Variants in ITGAX observed in about 807,000 individuals in gnomAD.
The protein encoded by ITGAX is integrin alpha-X.
In ITGAX, 99 loss-of-function variants were observed where a neutral mutation model predicts 140.2. That is an observed-to-expected ratio of 0.71 (90% confidence interval 0.60 to 0.83). The LOEUF (loss-of-function observed/expected upper bound fraction) is 0.83. ITGAX is among the 40% of genes least tolerant of loss of function. ITGAX has a pLI of 0.00. For synonymous variants in ITGAX, 631 were observed against 600.4 expected (o/e 1.05, Z -0.75); for missense variants, 1,444 against 1,482.0 (o/e 0.97, Z 0.42).
chr16:31,355,301 G>A lies in ITGAX; in HGVS notation c.37+10G>A. The A allele has an allele frequency of 6.2e-7, 1 of 1,613,736 alleles. No individual in the cohort carries two copies. The highest frequency in any genetic ancestry group is 8.5e-7 in the Non-Finnish European group (1 of 1,179,972). Reference sequence around the variant, plus strand: ...CTCCTCCTGTTCACAGGTGAGCCTGGACCCCAATGAAGTAGGGCTGGGGAC... The same window carrying A: ...CTCCTCCTGTTCACAGGTGAGCCTGAACCCCAATGAAGTAGGGCTGGGGAC... On this transcript the variant is annotated intron_variant, in intron 1 of 29. Transcript: ENST00000268296.
At chr16:31,366,200 G>A (rs145987596) in intron 14 of ITGAX, among the ~76,000 whole-genome samples, 92 of 152,292 alleles carry the variant, frequency 6.0e-4, no homozygotes, top group African/African-American at 1.9e-3. Flanking sequence ...TTGTGTCTCC[G>A]TGTTACTTTG....
chr16:31,361,667 AG>A, intron 9 of ITGAX, 168 bp from the exon 10 acceptor site: 7 of 804,956 alleles, frequency 8.7e-6, no homozygotes, highest in Admixed American at 2.0e-5. Flanking sequence ...CATGGAGCAG[AG>A]GGGGGCCCCG....
chr16:31,371,182 T>G lies in ITGAX; in HGVS notation c.1809T>G (p.Ala603=), dbSNP rs369559267. The part of the protein sequence containing the change: ...DLTQDGLVDL[A]VGARGQVLLL... ...CCCAGGATGGACTGGTGGACCTGGC[T>G]GTGGGGGCCCGGGGCCAGGTGCTCC... The change falls in exon 15 of 30, where the codon GCT becomes GCG. Residue 603 remains alanine, a synonymous_variant. Coordinates refer to ENST00000268296, the MANE Select transcript of ITGAX (RefSeq NM_000887.5). 1 of 1,612,080 alleles carries G rather than the reference T, an allele frequency of 6.2e-7. No individual in the cohort carries two copies. The highest frequency in any genetic ancestry group is 1.3e-5 in the African/African-American group (1 of 75,016).
intron 14 of ITGAX, among the ~76,000 whole-genome samples, chr16:31,369,433 TATC>T (rs1296876324): frequency 6.6e-6 from 1 of 152,244 alleles, no homozygotes; most frequent in Non-Finnish European, 1.5e-5. Flanking sequence ...GGCCAAATGT[TATC>T]AACCAGCATC....
chr16:31,355,416 G>A (rs755296738), intron 1 of ITGAX, 125 bp downstream of exon 1: 2 of 991,926 alleles, frequency 2.0e-6, no homozygotes, highest in Non-Finnish European at 3.1e-6. Flanking sequence ...CAAGCCTGAG[G>A]GGGAGGCAGG....
In ITGAX at chr16:31,373,352, C is replaced by T; in HGVS notation, c.2470C>T (p.Pro824Ser). The T allele has an allele frequency of 1.2e-6, 2 of 1,613,490 alleles. No individual in the cohort carries two copies. The highest frequency in any genetic ancestry group is 8.5e-7 in the Non-Finnish European group (1 of 1,179,958). ...CGGAACCACCATCACCTTCTCCCAC[C>T]CCGCAGGACTGTCCTACCGCTACGT... is the stretch of plus-strand genomic sequence containing the variant. ...SYGTTITFSH[P>S]AGLSYRYVAE... is the part of the protein sequence containing the mutation. The change falls in exon 20 of 30, where the codon CCC (proline) becomes TCC (serine). Residue 824 changes from proline to serine, a missense_variant. Transcript: ENST00000268296.
intron 6 of ITGAX, 22 bp from the exon 7 acceptor site, chr16:31,359,898 C>T: frequency 6.2e-7 from 1 of 1,614,128 alleles, no homozygotes; most frequent in African/African-American, 1.3e-5. Context: ...GCCTCAGCCC[C>T]AGCCCTGTGT....
chr16:31,364,870 T>C (rs1374667214), intron 14 of ITGAX, among the ~76,000 whole-genome samples: 1 of 121,836 alleles, frequency 8.2e-6, no homozygotes, highest in African/African-American at 2.7e-5. Flanking sequence ...AAAAAAAAAA[T>C]TAGCTGGGCA....
At chr16:31,360,572 G>A (rs1431307131) in intron 8 of ITGAX, 109 bp downstream of exon 8, 2 of 1,086,386 alleles carry the variant, frequency 1.8e-6, no homozygotes, top group Admixed American at 2.5e-5. Flanking sequence ...CTATCACCCA[G>A]GAAGTGGTGC....
At chr16:31,362,580 G>T (rs1449640717) in intron 11 of ITGAX, 31 bp from the exon 12 acceptor site, 2 of 1,598,214 alleles carry the variant, frequency 1.3e-6, no homozygotes, top group Non-Finnish European at 8.5e-7. Context: ...GGGGGAATGG[G>T]GGCCTTTGTG....
chr16:31,380,232 C>T (rs911950716), intron 26 of ITGAX, 34 bp from the exon 27 acceptor site: 76 of 1,603,270 alleles, frequency 4.7e-5, no homozygotes, highest in Non-Finnish European at 6.3e-5. Flanking sequence ...TCACACTCAT[C>T]TTTCTCAGCC....
At chr16:31,364,426 C>CAAAAAAAAAAA (rs56776715) in intron 14 of ITGAX, among the ~76,000 whole-genome samples, 2 of 42,456 alleles carry the variant, frequency 4.7e-5, no homozygotes, top group Non-Finnish European at 1.1e-4. Context: ...AATCCCGTGT[C>CAAAAAAAAAAA]AAAAAAAAAA....
intron 14 of ITGAX, among the ~76,000 whole-genome samples, chr16:31,369,293 C>A (rs1043299486): frequency 2.1e-5 from 3 of 142,470 alleles, no homozygotes; most frequent in Admixed American, 7.0e-5. Context: ...GGGCTGACCC[C>A]CCCCCCCACC....
intron 14 of ITGAX, among the ~76,000 whole-genome samples, chr16:31,369,240 ACC>A: frequency 9.3e-6 from 1 of 107,930 alleles, no homozygotes; most frequent in South Asian, 3.3e-4. Flanking sequence ...CGGGGGGCTG[ACC>A]CCCCCACCTC....
At chr16:31,361,648 G>A in intron 9 of ITGAX, 188 bp from the exon 10 acceptor site, 1 of 757,580 alleles carries the variant, frequency 1.3e-6, no homozygotes, top group Non-Finnish European at 2.3e-6. Flanking sequence ...TGCCATCGCT[G>A]TCCACATCCA....
intron 14 of ITGAX, among the ~76,000 whole-genome samples, chr16:31,368,918 T>G (rs904335115): frequency 2.6e-5 from 4 of 152,090 alleles, no homozygotes; most frequent in African/African-American, 7.2e-5. Context: ...GAGCACAGGG[T>G]TGGGGGTAAG....
At chr16:31,361,545 C>A (rs751181968) in intron 9 of ITGAX, 46 of 701,744 alleles carry the variant, frequency 6.6e-5, no homozygotes, top group African/African-American at 5.9e-4. Context: ...CCACCAGCCA[C>A]TCACTCCCCT....
In ITGAX at chr16:31,361,183, C is replaced by A; in HGVS notation, c.982C>A (p.Gln328Lys). The change falls in exon 9 of 30, where the codon CAA becomes AAA. Residue 328 changes from glutamine to lysine, a missense_variant. Coordinates refer to ENST00000268296, the MANE Select transcript of ITGAX (RefSeq NM_000887.5). ...DFDALKDIQNQLKEKIFAIEG... is the reference protein window; with the variant it reads ...DFDALKDIQNKLKEKIFAIEG... The stretch of plus-strand genomic sequence containing the variant: ...TGATGCTCTGAAAGATATTCAAAAC[C>A]AACTGAAGGAGAAGATCTTTGCCAT... 1 of 1,612,900 alleles carries A rather than the reference C, an allele frequency of 6.2e-7. No individual in the cohort carries two copies. The highest frequency in any genetic ancestry group is 8.5e-7 in the Non-Finnish European group (1 of 1,179,402).
intron 9 of ITGAX, 167 bp from the exon 10 acceptor site, chr16:31,361,669 G>T (rs2080827259): frequency 2.5e-6 from 2 of 810,600 alleles, no homozygotes; most frequent in Non-Finnish European, 4.2e-6. Context: ...TGGAGCAGAG[G>T]GGGGCCCCGA....
Sources: gnomAD v4.1 joint callset for allele counts (sites outside exome capture counted in the v4.1 genomes callset) on GRCh38, gnomAD v4.1.1 for gene constraint, MANE v1.5 for transcripts, NCBI Gene and HGNC (gene_info 2026-07-23, HGNC 2026-07-21) for gene names.